Variants in FBLN7 observed in about 807,000 individuals in gnomAD.
FBLN7 encodes fibulin 7, also known as fibulin-7.
FBLN7 carries 31 observed loss-of-function variants against 44.0 expected under a neutral mutation model. That is an observed-to-expected ratio of 0.70 (90% confidence interval 0.53 to 0.95). The LOEUF (loss-of-function observed/expected upper bound fraction) is 0.95, where lower values mean the gene tolerates loss of function less well. FBLN7 is among the 40% of genes least tolerant of loss of function. The pLI is 0.00. For synonymous variants in FBLN7, 262 were observed against 253.4 expected (o/e 1.03, Z -0.32); for missense variants, 573 against 618.5 (o/e 0.93, Z 0.78).
intron 4 of FBLN7, among the ~76,000 whole-genome samples, chr2:112,180,883 A>G (rs1230772240): frequency 7.4e-6 from 1 of 134,566 alleles, no homozygotes; most frequent in Non-Finnish European, 1.5e-5. Flanking sequence ...AGATCGTGCC[A>G]CTGCACTCCA....
chr2:112,141,283 C>G (rs1380668774), intron 1 of FBLN7, among the ~76,000 whole-genome samples: 2 of 152,222 alleles, frequency 1.3e-5, no homozygotes, highest in Non-Finnish European at 2.9e-5. Context: ...TATTCAAGGT[C>G]ACACAACCAG....
At chr2:112,238,478 T>C in the FBLN7 span, 1 of 1,612,584 alleles carries the variant, frequency 6.2e-7, no homozygotes, top group Non-Finnish European at 8.5e-7. Context: ...AGTCCTTACT[T>C]CTTGATTTTC....
chr2:112,155,359 G>A (rs1049150962), intron 1 of FBLN7, among the ~76,000 whole-genome samples: 2 of 152,194 alleles, frequency 1.3e-5, no homozygotes, highest in African/African-American at 4.8e-5. Flanking sequence ...GCCCTGTTAG[G>A]AGCAGCTGCA....
At chr2:112,145,699 G>C (rs1030324091) in intron 1 of FBLN7, among the ~76,000 whole-genome samples, 4 of 152,064 alleles carry the variant, frequency 2.6e-5, no homozygotes, top group Non-Finnish European at 4.4e-5. Flanking sequence ...GACCCATGTT[G>C]AGTTACTTTT....
intron 1 of FBLN7, 136 bp from the exon 2 acceptor site, chr2:112,159,540 G>T (rs1681611893): frequency 1.9e-6 from 2 of 1,045,654 alleles, no homozygotes; most frequent in Middle Eastern, 2.2e-4. Flanking sequence ...CCAGCGGCAG[G>T]TCACTTTTAC....
chr2:112,203,796 T>C, the FBLN7 span, among the ~76,000 whole-genome samples: 1 of 152,266 alleles, frequency 6.6e-6, no homozygotes, highest in East Asian at 1.9e-4. Context: ...TACATGGCAG[T>C]GGCAAGAGAA....
intron 3 of FBLN7, among the ~76,000 whole-genome samples, chr2:112,174,135 G>C (rs1682618598): frequency 6.6e-6 from 1 of 152,228 alleles, no homozygotes; most frequent in South Asian, 2.1e-4. Context: ...ACGGCCTAGT[G>C]ATCTGCCCAC....
At position 112,182,828 on chromosome 2, in the gene FBLN7, C is replaced by T. The variant is rs1246419353; in HGVS notation, c.708C>T (p.Arg236=). ...NECELYGQEG[R]PRLCMHACVN... ...GTGAGCTCTACGGGCAGGAGGGGCG[C>T]CCCCGGCTCTGCATGCACGCCTGCG... Residue 236 remains arginine, a synonymous_variant, in exon 6 of 8, where the codon CGC becomes CGT. Coordinates refer to ENST00000331203, the MANE Select transcript of FBLN7 (RefSeq NM_153214.3). 6.2e-7 allele frequency: 1 copy of T among 1,610,424 alleles called. No individual in the cohort carries two copies. Among genetic ancestry groups the T allele is most frequent in the African/African-American group, 1.3e-5 (1 of 74,822 alleles).
rs1174777716 is a variant in FBLN7, at chr2:112,175,737, C to T, written c.430C>T (p.Pro144Ser). ...AGGTATCAGTGAATGCTCCAGCCAGCCTTGTCAAAATGGTGGTACATGTGT... is the reference window on the plus strand; with the variant it reads ...AGGTATCAGTGAATGCTCCAGCCAGTCTTGTCAAAATGGTGGTACATGTGT... ...CRGISECSSQ[P>S]CQNGGTCVEG... The change falls in exon 4 of 8, where the codon CCT becomes TCT. Residue 144 changes from proline to serine, a missense_variant. By Grantham distance (74) the Pro-to-Ser change is moderately conservative. Coordinates refer to ENST00000331203, the MANE Select transcript of FBLN7 (RefSeq NM_153214.3). 5 of 1,614,078 alleles carry T rather than the reference C, an allele frequency of 3.1e-6. No homozygotes were observed. The African/African-American group carries it at 6.7e-5, about 22-fold the overall frequency.
At chr2:112,209,723 T>C in the FBLN7 span, among the ~76,000 whole-genome samples, 1 of 151,994 alleles carries the variant, frequency 6.6e-6, no homozygotes, top group Non-Finnish European at 1.5e-5. Flanking sequence ...ACCCAGGATG[T>C]AGGAACCCTA....
the FBLN7 span, among the ~76,000 whole-genome samples, chr2:112,223,543 C>A: frequency 2.6e-5 from 4 of 152,118 alleles, no homozygotes; most frequent in East Asian, 5.8e-4. Flanking sequence ...AAACTATCTG[C>A]ATATATTACT....
intron 1 of FBLN7, 110 bp from the exon 2 acceptor site, chr2:112,159,566 C>T: frequency 7.6e-7 from 1 of 1,317,728 alleles, no homozygotes; most frequent in Non-Finnish European, 1.0e-6. Context: ...GTTGAGTGAG[C>T]TTCAAACGCG....
At chr2:112,204,693 C>A in the FBLN7 span, among the ~76,000 whole-genome samples, 3 of 152,060 alleles carry the variant, frequency 2.0e-5, no homozygotes, top group African/African-American at 7.2e-5. Flanking sequence ...ACCAAGAATT[C>A]GATATCAGCC....
chr2:112,204,557 A>T, the FBLN7 span, among the ~76,000 whole-genome samples: 2 of 152,156 alleles, frequency 1.3e-5, no homozygotes, highest in Non-Finnish European at 2.9e-5. Context: ...TTAAACTAGT[A>T]AGAGAAAAGA....
intron 3 of FBLN7, among the ~76,000 whole-genome samples, chr2:112,165,835 A>C (rs1682127913): frequency 6.6e-6 from 1 of 152,178 alleles, no homozygotes; most frequent in South Asian, 2.1e-4. Flanking sequence ...TTTGATATAG[A>C]GGAAAATCAG....
intron 1 of FBLN7, chr2:112,151,404 G>C (rs575885365): frequency 6.6e-6 from 1 of 152,256 alleles, no homozygotes; most frequent in East Asian, 1.9e-4. Flanking sequence ...ATCCTCTCCT[G>C]TACCACGGCA....
the FBLN7 span, among the ~76,000 whole-genome samples, chr2:112,202,113 T>G: frequency 6.6e-6 from 1 of 152,232 alleles, no homozygotes; most frequent in Non-Finnish European, 1.5e-5. Flanking sequence ...ATAAGACTAC[T>G]TCTGTGGAAT....
At chr2:112,229,101 G>A in the FBLN7 span, among the ~76,000 whole-genome samples, 1 of 152,172 alleles carries the variant, frequency 6.6e-6, no homozygotes, top group Admixed American at 6.5e-5. Context: ...GACAAATGGA[G>A]AAGAACTGAC....
At chr2:112,181,333 A>T (rs1682980334) in intron 4 of FBLN7, among the ~76,000 whole-genome samples, 1 of 152,116 alleles carries the variant, frequency 6.6e-6, no homozygotes, top group South Asian at 2.1e-4. Context: ...CCTAAAATTA[A>T]AAATAATAAA....
Sources: gnomAD v4.1 joint callset for allele counts (sites outside exome capture counted in the v4.1 genomes callset) on GRCh38, gnomAD v4.1.1 for gene constraint, MANE v1.5 for transcripts, NCBI Gene and HGNC (gene_info 2026-07-23, HGNC 2026-07-21) for gene names.